Variants in NECAB2 observed in about 807,000 individuals in gnomAD.
NECAB2 encodes the protein N-terminal EF-hand calcium binding protein 2.
Under a neutral mutation model 51.9 loss-of-function variants are expected in NECAB2, and 68 were observed. That is an observed-to-expected ratio of 1.31 (90% CI 1.08 to 1.60). The LOEUF (loss-of-function observed/expected upper bound fraction) is 1.60. Ranked by LOEUF, NECAB2 falls within the 40% of genes most tolerant of loss-of-function variation. The pLI is 0.00. For synonymous variants in NECAB2, 329 were observed against 203.5 expected, an observed-to-expected ratio of 1.62 and a Z score of -5.25; for missense variants, 854 against 490.3, an observed-to-expected ratio of 1.74 and a Z score of -7.00.
At chr16:83,992,966 C>T (rs2084645129) in intron 6 of NECAB2, among the ~76,000 whole-genome samples, 1 of 152,324 alleles carries the variant, frequency 6.6e-6, no homozygotes, top group East Asian at 1.9e-4. Context: ...TCAGGGCAGA[C>T]TTCCCACACT....
rs150547119 is a variant in NECAB2 at position 83,981,077 on chromosome 16, C to T, written c.409C>T (p.Leu137=). 6.2e-7 allele frequency: 1 copy of T among 1,614,012 alleles called. No homozygotes were observed. Among genetic ancestry groups the T allele is most frequent in the African/African-American group, 1.3e-5 (1 of 74,890 alleles). The change falls in exon 5 of 13, where the codon CTG becomes TTG. Residue 137 remains leucine, a synonymous_variant. Coordinates refer to ENST00000305202, the MANE Select transcript of NECAB2 (RefSeq NM_019065.3). ...MGDYEDVLAS[L]ETLNHSVLKA... is the part of the protein sequence containing the mutation. ...TGACTATGAGGATGTCCTGGCCTCC[C>T]TGGAGACCTTGAATCACTCTGTCCT...
chr16:83,991,303 C>A (rs1206337150), intron 6 of NECAB2, among the ~76,000 whole-genome samples: 1 of 151,486 alleles, frequency 6.6e-6, no homozygotes, highest in Non-Finnish European at 1.5e-5. Flanking sequence ...TTCTCTCTCT[C>A]TCTTTCTTTC....
rs550549152 is a variant in NECAB2 at position 83,997,849 on chromosome 16, C to T, written c.850-356C>T. ...TTTGGCATAGAGCAAAGTGATCAGC[C>T]AGACAGTGATGTGAAAATGCTGAGT... On this transcript the variant is annotated intron_variant, in intron 9 of 12. Transcript: ENST00000305202. Among the ~76,000 whole-genome samples, 17 of 152,222 alleles carry T rather than the reference C, an allele frequency of 1.1e-4. No individual in the cohort carries two copies. The East Asian group carries it at 1.2e-3, about 10-fold the overall frequency.
At chr16:83,995,272 G>A (rs2084681358) in intron 8 of NECAB2, among the ~76,000 whole-genome samples, 1 of 152,146 alleles carries the variant, frequency 6.6e-6, no homozygotes, top group Non-Finnish European at 1.5e-5. Flanking sequence ...TTGTCTTAGG[G>A]CCTACAGACA....
chr16:83,992,381 C>A (rs1460102254), intron 6 of NECAB2, among the ~76,000 whole-genome samples: 2 of 145,088 alleles, frequency 1.4e-5, no homozygotes, highest in Non-Finnish European at 3.0e-5. Flanking sequence ...CACCCGTCCC[C>A]CCGCCCACCT....
At chr16:83,992,814 G>A (rs984608120) in intron 6 of NECAB2, among the ~76,000 whole-genome samples, 20 of 152,222 alleles carry the variant, frequency 1.3e-4, no homozygotes, top group African/African-American at 4.8e-4. Context: ...TCAGTCTTGT[G>A]ATTCTTGGGT....
rs868462147 is a variant in NECAB2 at position 84,001,863 on chromosome 16, T to C, written c.1079T>C (p.Val360Ala). The C allele has an allele frequency of 1.2e-6, 2 of 1,614,104 alleles. No homozygotes were observed. Among genetic ancestry groups the C allele is most frequent in the Non-Finnish European group, 1.7e-6 (2 of 1,179,990 alleles). The change falls in exon 12 of 13, where the codon GTC (valine) becomes GCC (alanine). Residue 360 changes from valine (V) to alanine (A), a missense_variant. Transcript: ENST00000305202. ...CCCCTGTGTAAGGCGTTCCGGCACG[T>C]CAAGGTGGACACACTGAGCCAGCCT... ...QSPLCKAFRH[V>A]KVDTLSQPEA...
At chr16:83,981,371 G>A (rs892309133) in intron 5 of NECAB2, among the ~76,000 whole-genome samples, 68 of 151,436 alleles carry the variant, frequency 4.5e-4, no homozygotes, top group African/African-American at 1.5e-3. Context: ...CTGGGCTGGG[G>A]CCTTAGAAAG....
At chr16:83,972,865 G>A (rs1029699010) in intron 2 of NECAB2, among the ~76,000 whole-genome samples, 13 of 152,296 alleles carry the variant, frequency 8.5e-5, no homozygotes, top group South Asian at 2.1e-4. Flanking sequence ...ACGTTTAGGC[G>A]GCCCAGCTGA....
intron 5 of NECAB2, among the ~76,000 whole-genome samples, chr16:83,988,218 G>A (rs1345795348): frequency 6.6e-6 from 1 of 152,010 alleles, no homozygotes; most frequent in Non-Finnish European, 1.5e-5. Flanking sequence ...GCTTTATTCG[G>A]TCTGACTGTT....
chr16:83,994,915 G>A (rs1478363964), intron 8 of NECAB2, among the ~76,000 whole-genome samples: 2 of 152,186 alleles, frequency 1.3e-5, no homozygotes, highest in East Asian at 1.9e-4. Context: ...AAGAGAGAGT[G>A]TTGGGGGGTC....
intron 6 of NECAB2, among the ~76,000 whole-genome samples, chr16:83,993,143 T>A (rs887818595): frequency 6.6e-6 from 1 of 152,158 alleles, no homozygotes; most frequent in African/African-American, 2.4e-5. Context: ...AGGCTGTGGG[T>A]CCCTGAGGAC....
At chr16:83,974,215 C>G (rs1325460057) in intron 2 of NECAB2, among the ~76,000 whole-genome samples, 3 of 152,258 alleles carry the variant, frequency 2.0e-5, no homozygotes, top group Middle Eastern at 3.4e-3. Context: ...CTTCCCAGGT[C>G]CCCCAGCCTG....
In NECAB2 at chr16:83,978,319, A is replaced by G. The variant is rs111908935; in HGVS notation, c.227-125A>G. ...TTGGGGATTAGCTGGGAGGGTAGGG[A>G]TTATCTGAGCTGCAGTTGTTCTGTC... On this transcript the variant is annotated intron_variant, in intron 2 of 12. Coordinates refer to ENST00000305202, the MANE Select transcript of NECAB2 (RefSeq NM_019065.3). 6.5e-4 allele frequency: 459 copies of G among 702,660 alleles called. 1 individual carries two copies. In the African/African-American group the frequency reaches 7.2e-3, roughly 11 times the overall value. 43.5% of individuals were successfully genotyped at this position (702,660 alleles called of 1,614,324 possible).
At chr16:83,999,300 A>ACAGACTGCACAGGAGCAGGGGC (rs1436047157) in intron 10 of NECAB2, among the ~76,000 whole-genome samples, 1 of 152,128 alleles carries the variant, frequency 6.6e-6, no homozygotes, top group Non-Finnish European at 1.5e-5. Context: ...CTCCAGGAGG[A>ACAGACTGCACAGGAGCAGGGGC]CAGACTGCAC....
At chr16:83,982,785 T>C (rs1175341295) in intron 5 of NECAB2, among the ~76,000 whole-genome samples, 1 of 152,176 alleles carries the variant, frequency 6.6e-6, no homozygotes, top group African/African-American at 2.4e-5. Flanking sequence ...GGGTGGTCTT[T>C]GGTGGTTTTT....
At chr16:83,965,464 G>A (rs201163558), upstream of NECAB2, 24 of 1,602,792 alleles carry the variant, frequency 1.5e-5, no homozygotes, top group African/African-American at 2.1e-4. Flanking sequence ...GGCTGTCAGC[G>A]GCCGACGCGG....
chr16:83,997,932 C>T (rs929720489), intron 9 of NECAB2, among the ~76,000 whole-genome samples: 4 of 152,176 alleles, frequency 2.6e-5, no homozygotes, highest in African/African-American at 9.7e-5. Context: ...GCCCTGGAGG[C>T]TGTGCAGGTG....
intron 8 of NECAB2, among the ~76,000 whole-genome samples, chr16:83,995,340 T>C (rs1210169869): frequency 1.3e-5 from 2 of 152,130 alleles, no homozygotes; most frequent in African/African-American, 4.8e-5. Context: ...TGTGTGACCC[T>C]GGGCCAGGGA....
Sources: gnomAD v4.1 joint callset for allele counts (sites outside exome capture counted in the v4.1 genomes callset) on GRCh38, gnomAD v4.1.1 for gene constraint, MANE v1.5 for transcripts, NCBI Gene and HGNC (gene_info 2026-07-23, HGNC 2026-07-21) for gene names.